NAV3: variants seen among roughly 807,000 people sequenced by gnomAD.
NAV3 encodes the protein pore membrane and/or filament interacting like protein 1.
NAV3 carries 87 observed loss-of-function variants against 244.7 expected under a neutral mutation model. The observed-to-expected ratio is 0.36, with a 90% CI of 0.30 to 0.42. The LOEUF is 0.42. Ranked by LOEUF, NAV3 falls within the 20% of genes least tolerant of loss-of-function variation. The pLI is 1.00. For synonymous variants in NAV3, 1,126 were observed against 1,042.2 expected (o/e 1.08, Z -1.55); for missense variants, 2,663 against 2,893.3 (o/e 0.92, Z 1.83).
chr12:77,608,846 G>A (rs549652702), intron 2 of NAV3, among the ~76,000 whole-genome samples: 21 of 152,056 alleles, frequency 1.4e-4, no homozygotes, highest in African/African-American at 4.1e-4. Context: ...TCTGGCTTTC[G>A]TTTAGCTTTT....
At chr12:77,968,724 T>C in intron 5 of NAV3, 22 bp downstream of exon 5, 1 of 1,601,818 alleles carries the variant, frequency 6.2e-7, no homozygotes, top group East Asian at 2.2e-5. Flanking sequence ...AAGTAGGGAA[T>C]GTGTTTCCAA....
chr12:78,031,683 A>G (rs1277457036), intron 9 of NAV3, among the ~76,000 whole-genome samples: 1 of 141,504 alleles, frequency 7.1e-6, no homozygotes, highest in Non-Finnish European at 1.5e-5. Context: ...GGAATTGAAC[A>G]ATGAGATCAC....
In NAV3 at chr12:78,176,819, C is replaced by T. The variant is rs544372082; in HGVS notation, c.5125-322C>T. Among the ~76,000 whole-genome samples, 8 of 152,114 alleles carry T rather than the reference C, an allele frequency of 5.3e-5. No homozygotes were observed. The South Asian group carries it at 1.7e-3, about 32-fold the overall frequency. ...TAAAGTGGCCATTTAAAACAAATTGCCTTGAAGAGAGAAGCATTGGGAATG... is the reference window on the plus strand; with the variant it reads ...TAAAGTGGCCATTTAAAACAAATTGTCTTGAAGAGAGAAGCATTGGGAATG... On this transcript the variant is annotated intron_variant, in intron 26 of 39. Transcript: ENST00000397909.
chr12:77,745,930 G>T (rs1274997405), intron 2 of NAV3, among the ~76,000 whole-genome samples: 2 of 143,954 alleles, frequency 1.4e-5, no homozygotes, highest in Non-Finnish European at 3.0e-5. Context: ...AGAAAGCTCA[G>T]CTATAAAAAC....
At chr12:77,608,949 G>A (rs558097669) in intron 2 of NAV3, among the ~76,000 whole-genome samples, 2 of 152,086 alleles carry the variant, frequency 1.3e-5, no homozygotes, top group African/African-American at 4.8e-5. Context: ...CACATTCTGT[G>A]ATTTTTCCTG....
At chr12:77,632,062 G>C (rs1871930974) in intron 2 of NAV3, among the ~76,000 whole-genome samples, 2 of 145,042 alleles carry the variant, frequency 1.4e-5, no homozygotes, top group Admixed American at 1.4e-4. Flanking sequence ...TTCATGGAAG[G>C]ATTGAGTTGA....
intron 2 of NAV3, among the ~76,000 whole-genome samples, chr12:77,800,098 A>G (rs542724423): frequency 2.3e-4 from 35 of 152,334 alleles, no homozygotes; most frequent in Middle Eastern, 3.4e-3. Flanking sequence ...GCTTAATAAT[A>G]ATAGTCTCAT....
chr12:77,631,258 G>T (rs1460647812), intron 2 of NAV3, among the ~76,000 whole-genome samples: 2 of 152,024 alleles, frequency 1.3e-5, no homozygotes, highest in African/African-American at 4.8e-5. Context: ...CTACTCCCTG[G>T]TTGTAAATTA....
chr12:77,726,717 A>G (rs1192394708), intron 2 of NAV3, among the ~76,000 whole-genome samples: 1 of 150,872 alleles, frequency 6.6e-6, no homozygotes, highest in Non-Finnish European at 1.5e-5. Context: ...ACAACAAAAA[A>G]CAACAATAGC....
At chr12:77,889,911 T>C (rs1225820625) in intron 1 of NAV3, among the ~76,000 whole-genome samples, 1 of 152,212 alleles carries the variant, frequency 6.6e-6, no homozygotes, top group Non-Finnish European at 1.5e-5. Context: ...GTTTGAACTC[T>C]GTATAAGTAC....
At chr12:77,748,490 A>C (rs992454272) in intron 2 of NAV3, among the ~76,000 whole-genome samples, 3 of 152,206 alleles carry the variant, frequency 2.0e-5, no homozygotes, top group Non-Finnish European at 4.4e-5. Context: ...AAACAACCTC[A>C]GTGTCTGTTG....
At chr12:77,865,246 A>G (rs978555019) in intron 1 of NAV3, among the ~76,000 whole-genome samples, 1 of 152,050 alleles carries the variant, frequency 6.6e-6, no homozygotes, top group Admixed American at 6.6e-5. Context: ...TCTGTATATT[A>G]TTATACTTTT....
At chr12:77,700,380 T>G (rs1312393530) in intron 2 of NAV3, among the ~76,000 whole-genome samples, 2 of 152,092 alleles carry the variant, frequency 1.3e-5, no homozygotes, top group African/African-American at 4.8e-5. Flanking sequence ...AAATAAGCAA[T>G]TTGATAGAGA....
chr12:77,585,119 A>G (rs1216997388), intron 2 of NAV3, among the ~76,000 whole-genome samples: 1 of 152,114 alleles, frequency 6.6e-6, no homozygotes, highest in East Asian at 1.9e-4. Context: ...GCATTGCCTG[A>G]CTGGTGATGC....
At chr12:77,960,332 C>T (rs543455970) in intron 3 of NAV3, among the ~76,000 whole-genome samples, 2 of 151,800 alleles carry the variant, frequency 1.3e-5, no homozygotes, top group Admixed American at 6.6e-5. Context: ...TCATTTGTTT[C>T]CTCAGCAATT....
chr12:78,020,472 T>A (rs758891150), intron 8 of NAV3, among the ~76,000 whole-genome samples: 6 of 152,320 alleles, frequency 3.9e-5, no homozygotes, highest in Non-Finnish European at 8.8e-5. Context: ...AGGAACAGTC[T>A]GTCAGAAATT....
At chr12:78,109,829 A>T (rs1954997862) in intron 12 of NAV3, among the ~76,000 whole-genome samples, 1 of 152,062 alleles carries the variant, frequency 6.6e-6, no homozygotes, top group Admixed American at 6.6e-5. Context: ...ACAAACTCAG[A>T]GCTAATATCA....
intron 22 of NAV3, among the ~76,000 whole-genome samples, chr12:78,149,926 G>A (rs1307294148): frequency 1.3e-5 from 2 of 151,942 alleles, no homozygotes; most frequent in South Asian, 2.1e-4. Context: ...ATTCATTTTA[G>A]CACTGTATTT....
chr12:77,632,115 C>T (rs1871934811), intron 2 of NAV3, among the ~76,000 whole-genome samples: 1 of 152,034 alleles, frequency 6.6e-6, no homozygotes. Context: ...CCTACTCTTT[C>T]CATTGAGAGA....
Sources: allele counts gnomAD v4.1 joint callset (sites outside exome capture counted in the v4.1 genomes callset), GRCh38; gene constraint gnomAD v4.1.1; transcripts MANE v1.5; gene names NCBI Gene and HGNC (gene_info 2026-07-23, HGNC 2026-07-21).